The following ANK2 variants were observed in gnomAD, a reference collection of about 807,000 sequenced individuals.
The protein encoded by ANK2 is ankyrin 2, also known as ankyrin-2.
In ANK2, 83 loss-of-function variants were observed where a neutral mutation model predicts 360.5. The ratio of observed to expected loss-of-function variants is 0.23; its 90% CI spans 0.19 to 0.28. The LOEUF is 0.28. Among genes scored for constraint, ANK2 ranks in the 10% least tolerant of loss-of-function variants. ANK2 has a pLI of 1.00. For missense variants in ANK2, 4,201 were observed against 4,795.7 expected (o/e 0.88, Z 3.66); for synonymous variants, 1,740 against 1,759.5 (o/e 0.99, Z 0.28).
intron 1 of ANK2, among the ~76,000 whole-genome samples, chr4:112,819,396 ATC>A (rs2149501215): frequency 1.3e-5 from 2 of 152,296 alleles, no homozygotes; most frequent in South Asian, 2.1e-4. Flanking sequence ...TTTTCTATGA[ATC>A]TCTGCACAAA....
intron 2 of ANK2, among the ~76,000 whole-genome samples, chr4:113,026,817 A>G (rs1281358564): frequency 6.6e-6 from 1 of 152,188 alleles, no homozygotes; most frequent in Admixed American, 6.6e-5. Flanking sequence ...AAAAAAATAA[A>G]AAATGATTAG....
chr4:112,732,866 G>A, the ANK2 span, among the ~76,000 whole-genome samples: 52,542 of 151,812 alleles, frequency 0.35, 9,339 homozygotes, highest in African/African-American at 0.41. Context: ...GGGATCACAA[G>A]GTCGGGAGTT....
At chr4:113,369,419 GA>G in intron 42 of ANK2, 94 bp from the exon 43 acceptor site, 2 of 1,365,292 alleles carry the variant, frequency 1.5e-6, no homozygotes. Context: ...ATAGACTATG[GA>G]AAAACCAGCT....
chr4:113,221,088 T>C (rs992309711), intron 4 of ANK2, among the ~76,000 whole-genome samples: 10 of 152,170 alleles, frequency 6.6e-5, no homozygotes, highest in African/African-American at 2.4e-4. Flanking sequence ...TAGCCTAGAT[T>C]TTGTTAACGA....
the ANK2 span, among the ~76,000 whole-genome samples, chr4:112,737,320 CT>C: frequency 6.6e-6 from 1 of 152,174 alleles, no homozygotes; most frequent in Admixed American, 6.5e-5. Flanking sequence ...TGTAAGTTCT[CT>C]CTGTAAATCT....
chr4:112,958,740 T>C (rs1178889901), intron 2 of ANK2, among the ~76,000 whole-genome samples: 2 of 152,210 alleles, frequency 1.3e-5, no homozygotes, highest in African/African-American at 4.8e-5. Context: ...CATGTTATGA[T>C]GCATTATTAA....
At chr4:112,940,334 T>G (rs1367632028) in intron 2 of ANK2, among the ~76,000 whole-genome samples, 2 of 152,184 alleles carry the variant, frequency 1.3e-5, no homozygotes, top group Non-Finnish European at 2.9e-5. Context: ...AATACTCTTA[T>G]AAGCCTAAAA....
intron 2 of ANK2, among the ~76,000 whole-genome samples, chr4:113,030,677 A>G (rs2060213842): frequency 1.3e-5 from 2 of 152,164 alleles, no homozygotes; most frequent in South Asian, 4.1e-4. Context: ...AATCTGCATC[A>G]TGATGACTAT....
At chr4:112,851,303 T>C (rs1224136901) in intron 1 of ANK2, among the ~76,000 whole-genome samples, 1 of 152,188 alleles carries the variant, frequency 6.6e-6, no homozygotes, top group East Asian at 1.9e-4. Flanking sequence ...GTGCTTTCCG[T>C]GTCCAGCTTT....
the ANK2 span, among the ~76,000 whole-genome samples, chr4:112,806,342 G>A: frequency 2.0e-5 from 3 of 152,066 alleles, no homozygotes; most frequent in Non-Finnish European, 4.4e-5. Context: ...TTAACATAAT[G>A]TTCTCCAGTT....
the ANK2 span, chr4:112,797,483 CA>C: frequency 6.0e-6 from 1 of 167,154 alleles, no homozygotes; most frequent in Non-Finnish European, 1.4e-5. Flanking sequence ...TTGTATTCTG[CA>C]AAAAGTGATA....
At chr4:113,036,251 TA>T (rs5861121) in intron 2 of ANK2, among the ~76,000 whole-genome samples, 42,166 of 141,348 alleles carry the variant, frequency 0.3, 6,018 homozygotes, top group East Asian at 0.45. Flanking sequence ...CTTTTAGTAG[TA>T]AAAAAAAAAA....
chr4:112,955,538 G>T (rs906850578), intron 2 of ANK2, among the ~76,000 whole-genome samples: 94 of 151,198 alleles, frequency 6.2e-4, no homozygotes, highest in African/African-American at 2.0e-3. Context: ...TTTAAAAAAG[G>T]TTGTTTTTTT....
intron 2 of ANK2, among the ~76,000 whole-genome samples, chr4:113,042,873 T>C (rs1050489201): frequency 1.3e-5 from 2 of 152,234 alleles, no homozygotes; most frequent in African/African-American, 4.8e-5. Context: ...GAGACTTTTC[T>C]TGTTCTTTCA....
intron 1 of ANK2, among the ~76,000 whole-genome samples, chr4:113,109,725 C>CTGT (rs1462638084): frequency 6.6e-6 from 1 of 152,162 alleles, no homozygotes; most frequent in Non-Finnish European, 1.5e-5. Flanking sequence ...ATCATTCCAG[C>CTGT]TGTTTGTTGC....
chr4:112,834,744 T>G (rs1191423575), intron 1 of ANK2, among the ~76,000 whole-genome samples: 1 of 152,246 alleles, frequency 6.6e-6, no homozygotes, highest in Non-Finnish European at 1.5e-5. Flanking sequence ...GCAGTTGGAT[T>G]GTTTAAGAGT....
chr4:113,226,191 C>T (rs1297647073), intron 4 of ANK2, among the ~76,000 whole-genome samples: 1 of 152,138 alleles, frequency 6.6e-6, no homozygotes, highest in African/African-American at 2.4e-5. Context: ...ATGTATCCTC[C>T]CCATTCCTCG....
chr4:112,982,600 A>G (rs1055296721), intron 2 of ANK2, among the ~76,000 whole-genome samples: 6 of 152,342 alleles, frequency 3.9e-5, no homozygotes, highest in Admixed American at 2.0e-4. Context: ...TATAGTGCCT[A>G]TGTCCTAGAA....
chr4:112,866,316 A>T (rs1173028475), intron 1 of ANK2, among the ~76,000 whole-genome samples: 4 of 152,222 alleles, frequency 2.6e-5, no homozygotes, highest in Non-Finnish European at 4.4e-5. Flanking sequence ...TCTGGATCAC[A>T]GTAGAGGTTA....
Sources: allele counts gnomAD v4.1 joint callset (sites outside exome capture counted in the v4.1 genomes callset), GRCh38; gene constraint gnomAD v4.1.1; transcripts MANE v1.5; gene names NCBI Gene and HGNC (gene_info 2026-07-23, HGNC 2026-07-21).